GALNT13: variants seen among roughly 807,000 people sequenced by gnomAD.
GALNT13 encodes the protein UDP-GalNAc:polypeptide N-acetylgalactosaminyltransferase 13.
Under a neutral mutation model 64.2 loss-of-function variants are expected in GALNT13, and 28 were observed. The ratio of observed to expected loss-of-function variants is 0.44; its 90% CI spans 0.32 to 0.60. The LOEUF (loss-of-function observed/expected upper bound fraction) is 0.60. Among genes scored for constraint, GALNT13 ranks in the 20% least tolerant of loss-of-function variants. GALNT13 has a pLI of 0.05. For missense variants in GALNT13, 577 were observed against 669.8 expected (o/e 0.86, Z 1.53); for synonymous variants, 214 against 224.6 (o/e 0.95, Z 0.42).
At chr2:153,097,791 C>T in the GALNT13 span, among the ~76,000 whole-genome samples, 1 of 152,156 alleles carries the variant, frequency 6.6e-6, no homozygotes, top group Non-Finnish European at 1.5e-5. Context: ...CAGTTTCCAG[C>T]CCGGCACAGT....
chr2:154,166,264 G>C (rs1685017112), intron 4 of GALNT13, among the ~76,000 whole-genome samples: 1 of 152,164 alleles, frequency 6.6e-6, no homozygotes, highest in Non-Finnish European at 1.5e-5. Context: ...AATTAGCTCA[G>C]TGTGGTGGCA....
intron 8 of GALNT13, among the ~76,000 whole-genome samples, chr2:154,282,137 T>C (rs1401656654): frequency 6.6e-6 from 1 of 152,122 alleles, no homozygotes; most frequent in Non-Finnish European, 1.5e-5. Flanking sequence ...TAATGCCAAC[T>C]TTAACATCTC....
At chr2:153,798,651 C>T in the GALNT13 span, among the ~76,000 whole-genome samples, 1 of 152,050 alleles carries the variant, frequency 6.6e-6, no homozygotes, top group Non-Finnish European at 1.5e-5. Context: ...GAAAAACTCC[C>T]GTGAAGAACC....
chr2:154,379,406 T>C (rs184900212), intron 9 of GALNT13, among the ~76,000 whole-genome samples: 10 of 152,144 alleles, frequency 6.6e-5, no homozygotes, highest in African/African-American at 1.9e-4. Flanking sequence ...GTAGATATCA[T>C]GGTTATGAAG....
chr2:153,361,353 A>G, the GALNT13 span, among the ~76,000 whole-genome samples: 1 of 152,082 alleles, frequency 6.6e-6, no homozygotes, highest in African/African-American at 2.4e-5. Context: ...GCACAGAACT[A>G]TACAGAGGAT....
At chr2:154,307,932 A>G (rs927046372) in intron 9 of GALNT13, among the ~76,000 whole-genome samples, 2 of 152,122 alleles carry the variant, frequency 1.3e-5, no homozygotes, top group Non-Finnish European at 2.9e-5. Flanking sequence ...TACTTTCTGT[A>G]TATTTGATAT....
chr2:153,640,100 G>C, the GALNT13 span, among the ~76,000 whole-genome samples: 1 of 152,084 alleles, frequency 6.6e-6, no homozygotes, highest in African/African-American at 2.4e-5. Context: ...TGGTGACATG[G>C]AGGTTGGAAA....
intron 9 of GALNT13, among the ~76,000 whole-genome samples, chr2:154,335,202 G>A (rs1695371413): frequency 6.6e-6 from 1 of 150,856 alleles, no homozygotes; most frequent in Non-Finnish European, 1.5e-5. Flanking sequence ...AAGAAGATTT[G>A]GGGTATAATA....
chr2:153,796,295 G>A, the GALNT13 span, among the ~76,000 whole-genome samples: 1 of 152,196 alleles, frequency 6.6e-6, no homozygotes, highest in Non-Finnish European at 1.5e-5. Flanking sequence ...AAACACAAGA[G>A]TGGGGAGCAT....
chr2:154,163,685 A>T (rs953598954), intron 4 of GALNT13, among the ~76,000 whole-genome samples: 2 of 152,164 alleles, frequency 1.3e-5, no homozygotes, highest in African/African-American at 4.8e-5. Context: ...AAGCTATCTT[A>T]GGACAGGGAT....
the GALNT13 span, among the ~76,000 whole-genome samples, chr2:153,759,933 T>C: frequency 1.8e-3 from 280 of 152,254 alleles, 2 homozygotes; most frequent in East Asian, 0.034. Flanking sequence ...CCTGAACATT[T>C]ACTTCATGGG....
rs536603816 is a variant in GALNT13 at position 154,076,687 on chromosome 2, A to T, written c.143-63650A>T. ...ATAAATGCTAAACTGGGTGGGATAT[A>T]TTAACTAGTTTTAACCTGGGATTGT... On this transcript the variant is annotated intron_variant, in intron 3 of 12. Coordinates refer to ENST00000392825, the MANE Select transcript of GALNT13 (RefSeq NM_052917.4). 3.3e-5 allele frequency among the ~76,000 whole-genome samples: 5 copies of T among 151,862 alleles called. No individual in the cohort carries two copies. In the South Asian group the frequency reaches 6.2e-4, roughly 19 times the overall value.
At chr2:153,147,727 A>G in the GALNT13 span, among the ~76,000 whole-genome samples, 693 of 151,820 alleles carry the variant, frequency 4.6e-3, 6 homozygotes, top group African/African-American at 0.016. Context: ...ATTTGGATAC[A>G]ATTTGATTGC....
In GALNT13 at chr2:153,932,090, T is replaced by C. The variant is rs78309301; in HGVS notation, c.-104-12304T>C. ...GTTTTCTAGTCTGTGTTAATAGAGG[T>C]GTTTATAATAGTCTGAGGTTTTTTG... On this transcript the variant is annotated intron_variant, in intron 2 of 12. Coordinates refer to ENST00000392825, the MANE Select transcript of GALNT13 (RefSeq NM_052917.4). Among the ~76,000 whole-genome samples, 2,088 of 152,194 alleles carry C rather than the reference T, an allele frequency of 0.014. 109 individuals are homozygous for C. In the East Asian group the frequency reaches 0.19, roughly 14 times the overall value.
the GALNT13 span, among the ~76,000 whole-genome samples, chr2:153,797,135 G>A: frequency 1.3e-5 from 2 of 152,178 alleles, no homozygotes; most frequent in African/African-American, 2.4e-5. Flanking sequence ...TGCCTACTTC[G>A]TCAGCAGATG....
At chr2:153,893,630 A>G (rs1382562963) in intron 1 of GALNT13, among the ~76,000 whole-genome samples, 1 of 151,958 alleles carries the variant, frequency 6.6e-6, no homozygotes, top group Non-Finnish European at 1.5e-5. Context: ...TCTCCATATT[A>G]TTTTAGAAAT....
chr2:153,895,789 C>T (rs10195884), intron 1 of GALNT13, among the ~76,000 whole-genome samples: 95,456 of 151,614 alleles, frequency 0.63, 30,375 homozygotes, highest in East Asian at 0.82. Flanking sequence ...GAAACAATCA[C>T]GCTGTGGCAG....
intron 2 of GALNT13, among the ~76,000 whole-genome samples, chr2:153,940,249 T>C (rs188199647): frequency 2.7e-4 from 39 of 144,172 alleles, no homozygotes; most frequent in African/African-American, 9.8e-4. Context: ...GGGTTTAACT[T>C]AAGTTTTTGT....
the GALNT13 span, among the ~76,000 whole-genome samples, chr2:153,470,259 G>A: frequency 0.22 from 32,713 of 151,918 alleles, 3,754 homozygotes; most frequent in Non-Finnish European, 0.25. Context: ...CTCCTATGAG[G>A]ATGCATGGCC....
Sources: allele counts gnomAD v4.1 joint callset (sites outside exome capture counted in the v4.1 genomes callset), GRCh38; gene constraint gnomAD v4.1.1; transcripts MANE v1.5; gene names NCBI Gene and HGNC (gene_info 2026-07-23, HGNC 2026-07-21).